UNC5D: variants seen among roughly 807,000 people sequenced by gnomAD.
UNC5D encodes unc-5 netrin receptor D.
In UNC5D, 39 loss-of-function variants were observed where a neutral mutation model predicts 105.4. The ratio of observed to expected loss-of-function variants is 0.37; its 90% CI spans 0.29 to 0.48. The LOEUF (loss-of-function observed/expected upper bound fraction) is 0.48, where lower values mean the gene tolerates loss of function less well. Among genes scored for constraint, UNC5D ranks in the 20% least tolerant of loss-of-function variants. The pLI is 0.98. For missense variants in UNC5D, 991 were observed against 1,202.4 expected (o/e 0.82, Z 2.60); for synonymous variants, 452 against 450.4 (o/e 1.00, Z -0.04).
intron 1 of UNC5D, among the ~76,000 whole-genome samples, chr8:35,342,528 T>G (rs1811524240): frequency 6.6e-6 from 1 of 152,096 alleles, no homozygotes; most frequent in African/African-American, 2.4e-5. Context: ...TAGAAGTTGC[T>G]TGTACATTTT....
At chr8:35,629,682 C>A (rs912246537) in intron 4 of UNC5D, among the ~76,000 whole-genome samples, 3 of 152,052 alleles carry the variant, frequency 2.0e-5, no homozygotes, top group African/African-American at 7.2e-5. Flanking sequence ...CATGGATCCC[C>A]CAAATCTATA....
intron 4 of UNC5D, among the ~76,000 whole-genome samples, chr8:35,650,134 C>CA (rs1422393664): frequency 1.4e-5 from 2 of 146,912 alleles, no homozygotes; most frequent in Non-Finnish European, 3.1e-5. Flanking sequence ...AAACAAAAAA[C>CA]AAAAAACAAA....
At chr8:35,599,142 C>CAAAAA (rs34511041) in intron 4 of UNC5D, among the ~76,000 whole-genome samples, 4 of 38,640 alleles carry the variant, frequency 1.0e-4, no homozygotes, top group Admixed American at 4.1e-4. Context: ...GACTCTGTCT[C>CAAAAA]AAAAAAAAAA....
At chr8:35,773,712 G>GTTTT (rs10645057) in intron 15 of UNC5D, among the ~76,000 whole-genome samples, 17,188 of 151,966 alleles carry the variant, frequency 0.11, 2,841 homozygotes, top group African/African-American at 0.37. Flanking sequence ...TCACCTGACA[G>GTTTT]TTTGTTATTT....
At chr8:35,778,773 G>A (rs1563756703) in intron 16 of UNC5D, among the ~76,000 whole-genome samples, 1 of 152,196 alleles carries the variant, frequency 6.6e-6, no homozygotes, top group African/African-American at 2.4e-5. Flanking sequence ...TATTGCCAGT[G>A]AAAATGTTTT....
intron 11 of UNC5D, among the ~76,000 whole-genome samples, chr8:35,733,341 T>A (rs1017516735): frequency 6.6e-6 from 1 of 152,234 alleles, no homozygotes; most frequent in Non-Finnish European, 1.5e-5. Flanking sequence ...GTCTGGTTCT[T>A]CAGCTTTTAA....
chr8:35,249,701 A>G (rs1477659133), intron 1 of UNC5D, among the ~76,000 whole-genome samples: 2 of 152,164 alleles, frequency 1.3e-5, no homozygotes, highest in East Asian at 3.9e-4. Flanking sequence ...AACGTGCAAA[A>G]AGCAATCCCT....
At chr8:35,328,802 G>A (rs1481849094) in intron 1 of UNC5D, among the ~76,000 whole-genome samples, 6 of 152,250 alleles carry the variant, frequency 3.9e-5, no homozygotes, top group East Asian at 1.9e-4. Context: ...CAGGAGTATC[G>A]TTCCACATAT....
rs148772751 is a variant in UNC5D, at chr8:35,730,385, C to T, written c.1682-627C>T. ...ATTGACATGACTCTAGTTAAGTAAC[C>T]TTTCGCCTTAACCCTTTCTAGGTTC... On this transcript the variant is annotated intron_variant, in intron 10 of 16. Coordinates refer to ENST00000404895, the MANE Select transcript of UNC5D (RefSeq NM_080872.4). Among the ~76,000 whole-genome samples the T allele has an allele frequency of 5.9e-3, 896 of 152,266 alleles. 4 individuals are homozygous for T. Among genetic ancestry groups the T allele is most frequent in the Non-Finnish European group, 8.5e-3 (581 of 68,028 alleles).
intron 1 of UNC5D, among the ~76,000 whole-genome samples, chr8:35,262,415 C>G (rs1278712926): frequency 1.3e-5 from 2 of 152,028 alleles, no homozygotes; most frequent in African/African-American, 2.4e-5. Flanking sequence ...AATATTTGGC[C>G]TTTCATATTA....
At chr8:35,742,694 C>A (rs1190775957) in intron 11 of UNC5D, among the ~76,000 whole-genome samples, 1 of 152,164 alleles carries the variant, frequency 6.6e-6, no homozygotes, top group Non-Finnish European at 1.5e-5. Context: ...CGAAGTGTTA[C>A]AAGCCTAGCA....
At chr8:35,583,892 CT>C (rs925731676) in intron 3 of UNC5D, among the ~76,000 whole-genome samples, 3 of 151,918 alleles carry the variant, frequency 2.0e-5, no homozygotes, top group African/African-American at 7.2e-5. Context: ...AGCAATCCTT[CT>C]TTCTACAGGC....
At chr8:35,629,668 T>C (rs574095469) in intron 4 of UNC5D, among the ~76,000 whole-genome samples, 3 of 152,208 alleles carry the variant, frequency 2.0e-5, no homozygotes, top group Non-Finnish European at 4.4e-5. Context: ...GTAACAATCA[T>C]GTACATGGAT....
At chr8:35,321,679 A>G (rs1809755795) in intron 1 of UNC5D, among the ~76,000 whole-genome samples, 1 of 152,166 alleles carries the variant, frequency 6.6e-6, no homozygotes, top group African/African-American at 2.4e-5. Context: ...GGCATGGCAG[A>G]TAACTGGAGA....
At chr8:35,628,392 C>T (rs1175262707) in intron 4 of UNC5D, among the ~76,000 whole-genome samples, 10 of 152,144 alleles carry the variant, frequency 6.6e-5, no homozygotes, top group Non-Finnish European at 2.9e-5. Flanking sequence ...CCTCAGCCTC[C>T]CAAAGTGCTA....
intron 1 of UNC5D, among the ~76,000 whole-genome samples, chr8:35,305,623 T>TTC (rs1489760164): frequency 3.5e-4 from 32 of 91,600 alleles, no homozygotes; most frequent in Admixed American, 1.1e-3. Flanking sequence ...CTTTCTTTCT[T>TTC]TTTCTTTCTC....
At chr8:35,787,109 G>C (rs58260432) in intron 16 of UNC5D, among the ~76,000 whole-genome samples, 15,942 of 152,046 alleles carry the variant, frequency 0.1, 2,399 homozygotes, top group African/African-American at 0.34. Flanking sequence ...ATGTGGCCCC[G>C]AAAACCAAAA....
intron 2 of UNC5D, 23 bp from the exon 3 acceptor site, chr8:35,568,075 T>A (rs1316844587): frequency 6.2e-7 from 1 of 1,612,664 alleles, no homozygotes; most frequent in African/African-American, 1.3e-5. Flanking sequence ...AGCTGATTTG[T>A]CTCTTATCTC....
intron 1 of UNC5D, among the ~76,000 whole-genome samples, chr8:35,408,335 T>A (rs1022390472): frequency 9.9e-5 from 15 of 151,816 alleles, no homozygotes; most frequent in Non-Finnish European, 2.1e-4. Context: ...TTTTTTGGTT[T>A]AATATGATGA....
Sources: gnomAD v4.1 joint callset for allele counts (sites outside exome capture counted in the v4.1 genomes callset) on GRCh38, gnomAD v4.1.1 for gene constraint, MANE v1.5 for transcripts, NCBI Gene and HGNC (gene_info 2026-07-23, HGNC 2026-07-21) for gene names.